CCDC178: variants seen among roughly 807,000 people sequenced by gnomAD.
The protein encoded by CCDC178 is coiled-coil domain containing 178.
Under a neutral mutation model 117.4 loss-of-function variants are expected in CCDC178, and 126 were observed. That is an observed-to-expected ratio of 1.07 (90% CI 0.93 to 1.24). CCDC178 has a LOEUF of 1.24. CCDC178 is among the 50% of genes most tolerant of loss of function. The pLI is 0.00. For missense variants in CCDC178, 1,030 were observed against 986.9 expected, an observed-to-expected ratio of 1.04 and a Z score of -0.59; for synonymous variants, 283 against 313.4, an observed-to-expected ratio of 0.90 and a Z score of 1.02.
chr18:33,353,374 T>C (rs1297164651), intron 7 of CCDC178, among the ~76,000 whole-genome samples: 1 of 152,114 alleles, frequency 6.6e-6, no homozygotes, highest in East Asian at 1.9e-4. Context: ...TACCTTTCAA[T>C]TGGAGAGTTT....
chr18:33,219,594 C>T (rs1261212620), intron 18 of CCDC178, among the ~76,000 whole-genome samples: 1 of 152,034 alleles, frequency 6.6e-6, no homozygotes, highest in African/African-American at 2.4e-5. Context: ...TACTATGCAG[C>T]CATAAAAAGG....
At chr18:33,335,719 G>T (rs1258788385) in intron 9 of CCDC178, among the ~76,000 whole-genome samples, 1 of 151,692 alleles carries the variant, frequency 6.6e-6, no homozygotes, top group Admixed American at 6.6e-5. Flanking sequence ...CTTTAAAAAA[G>T]TTTCTTGTCC....
intron 21 of CCDC178, among the ~76,000 whole-genome samples, chr18:33,051,874 G>A (rs939083226): frequency 7.9e-5 from 12 of 152,322 alleles, no homozygotes; most frequent in African/African-American, 2.6e-4. Flanking sequence ...TAAGGCAGCT[G>A]TGTATTCAAA....
chr18:33,380,001 A>C (rs149843411), intron 5 of CCDC178, among the ~76,000 whole-genome samples: 1 of 152,214 alleles, frequency 6.6e-6, no homozygotes, highest in East Asian at 1.9e-4. Flanking sequence ...TATATCTATA[A>C]AGAGAAGGCC....
chr18:33,167,728 G>T (rs190392687), intron 20 of CCDC178, among the ~76,000 whole-genome samples: 63 of 152,038 alleles, frequency 4.1e-4, no homozygotes, highest in African/African-American at 1.3e-3. Flanking sequence ...ATACCCGGGC[G>T]TGGTGGCATG....
At chr18:33,232,620 G>C (rs1052626299) in intron 15 of CCDC178, among the ~76,000 whole-genome samples, 8 of 152,250 alleles carry the variant, frequency 5.3e-5, no homozygotes, top group African/African-American at 1.7e-4. Flanking sequence ...AGAAAGTATA[G>C]GTGGCAGCCC....
chr18:33,024,615 A>C (rs1233629600), intron 21 of CCDC178, among the ~76,000 whole-genome samples: 1 of 152,016 alleles, frequency 6.6e-6, no homozygotes, highest in Non-Finnish European at 1.5e-5. Flanking sequence ...TATTTTACAG[A>C]AAATAGGAAC....
intron 20 of CCDC178, among the ~76,000 whole-genome samples, chr18:33,130,718 C>T (rs1041297316): frequency 6.6e-5 from 10 of 151,914 alleles, no homozygotes; most frequent in African/African-American, 2.4e-4. Context: ...CCTGGTTTGT[C>T]TCTGATATGT....
At chr18:33,382,358 G>T (rs2063447371) in intron 5 of CCDC178, among the ~76,000 whole-genome samples, 1 of 152,046 alleles carries the variant, frequency 6.6e-6, no homozygotes, top group South Asian at 2.1e-4. Flanking sequence ...TTTAATTCTG[G>T]AACTAAAAAG....
chr18:33,403,017 A>G (rs1456025412), intron 3 of CCDC178, among the ~76,000 whole-genome samples: 3 of 152,196 alleles, frequency 2.0e-5, no homozygotes, highest in Admixed American at 1.3e-4. Flanking sequence ...TGCAATAGAC[A>G]ATTACTTCAG....
chr18:33,256,276 A>G (rs549115287), intron 14 of CCDC178, among the ~76,000 whole-genome samples: 86 of 151,106 alleles, frequency 5.7e-4, no homozygotes, highest in African/African-American at 2.1e-3. Context: ...ATGTCTATAG[A>G]CTAAAAAGAT....
chr18:33,200,730 C>T (rs889792053), intron 20 of CCDC178, among the ~76,000 whole-genome samples: 1 of 152,166 alleles, frequency 6.6e-6, no homozygotes, highest in African/African-American at 2.4e-5. Context: ...AGATTTCCTG[C>T]AAGCCCCTCT....
At chr18:32,974,481 A>G (rs2054991553) in intron 22 of CCDC178, 66 bp downstream of exon 22, 13 of 1,454,170 alleles carry the variant, frequency 8.9e-6, no homozygotes, top group Non-Finnish European at 1.2e-5. Flanking sequence ...GCTTCATCAC[A>G]CTACCCATCA....
At chr18:33,082,444 C>T (rs2057312861) in intron 21 of CCDC178, among the ~76,000 whole-genome samples, 1 of 152,156 alleles carries the variant, frequency 6.6e-6, no homozygotes, top group African/African-American at 2.4e-5. Flanking sequence ...TGTACTCCAA[C>T]CTGGGTGACA....
chr18:33,397,723 AAG>A (rs1239997299), intron 3 of CCDC178, among the ~76,000 whole-genome samples: 2 of 152,174 alleles, frequency 1.3e-5, no homozygotes, highest in African/African-American at 2.4e-5. Context: ...AAAGTGATTA[AAG>A]AGAGTTTACA....
At chr18:33,423,950 T>C (rs542432777) in intron 2 of CCDC178, among the ~76,000 whole-genome samples, 2 of 152,310 alleles carry the variant, frequency 1.3e-5, no homozygotes, top group South Asian at 4.1e-4. Flanking sequence ...AACATATTGT[T>C]TCTTTTTATC....
At chr18:33,347,147 T>C (rs1239818534) in intron 8 of CCDC178, among the ~76,000 whole-genome samples, 1 of 152,162 alleles carries the variant, frequency 6.6e-6, no homozygotes, top group East Asian at 1.9e-4. Flanking sequence ...CCTATCCTTG[T>C]AGGACTGATG....
At chr18:33,004,853 A>G (rs887281053) in intron 21 of CCDC178, among the ~76,000 whole-genome samples, 4 of 152,158 alleles carry the variant, frequency 2.6e-5, no homozygotes, top group African/African-American at 9.7e-5. Context: ...GCAAACAGGT[A>G]TATGAAAAGG....
At chr18:33,246,616 T>C (rs1245591342) in intron 14 of CCDC178, among the ~76,000 whole-genome samples, 1 of 151,444 alleles carries the variant, frequency 6.6e-6, no homozygotes, top group East Asian at 1.9e-4. Context: ...CAAGGTAGAA[T>C]AGAAATGGGG....
Sources: allele counts gnomAD v4.1 joint callset (sites outside exome capture counted in the v4.1 genomes callset), GRCh38; gene constraint gnomAD v4.1.1; transcripts MANE v1.5; gene names NCBI Gene and HGNC (gene_info 2026-07-23, HGNC 2026-07-21).